Variants in MYH9 observed in about 807,000 individuals in gnomAD.
MYH9 encodes the protein myosin heavy chain 9, also known as myosin-9.
Under a neutral mutation model 241.9 loss-of-function variants are expected in MYH9, and 29 were observed. The observed-to-expected ratio is 0.12, with a 90% CI of 0.09 to 0.16. The LOEUF (loss-of-function observed/expected upper bound fraction) is 0.16. MYH9 is among the 10% of genes least tolerant of loss of function. MYH9 has a pLI of 1.00. For missense variants in MYH9, 1,803 were observed against 2,595.5 expected (o/e 0.69, Z 6.63); for synonymous variants, 1,047 against 1,062.6 (o/e 0.99, Z 0.29).
chr22:36,377,172 AAAG>A lies in MYH9; in HGVS notation c.-20+10632_-20+10634del, dbSNP rs1206974391. 4.6e-5 allele frequency among the ~76,000 whole-genome samples: 7 copies of A among 152,106 alleles called. No homozygotes were observed. The East Asian group carries it at 9.6e-4, about 21-fold the overall frequency. ...GAGTTACAGCATAGGGACAGAAATGAAAGAAGACCCCGCCTTTGACCTCCTCAC... is the reference window on the plus strand; with the variant it reads ...GAGTTACAGCATAGGGACAGAAATGAAAGACCCCGCCTTTGACCTCCTCAC... On this transcript the variant is annotated intron_variant, in intron 1 of 40. Coordinates refer to ENST00000216181, the MANE Select transcript of MYH9 (RefSeq NM_002473.6).
chr22:36,340,236 G>C (rs1000001931), intron 3 of MYH9, among the ~76,000 whole-genome samples: 5 of 151,312 alleles, frequency 3.3e-5, no homozygotes, highest in African/African-American at 9.7e-5. Flanking sequence ...TACTTTTGCA[G>C]CAACCTAATA....
At chr22:36,324,989 T>A in intron 5 of MYH9, 1 of 709,708 alleles carries the variant, frequency 1.4e-6, no homozygotes. Context: ...AACTCCAATG[T>A]CACCCTCCCA....
Position 36,289,237 on chromosome 22 carries a change from C to A in MYH9, c.4405G>T (p.Ala1469Ser), listed in dbSNP as rs1337772877. ...KYAEERDRAEAEAREKETKAL... is the reference protein window; with the variant it reads ...KYAEERDRAESEAREKETKAL... ...TTGGTCTCCTTCTCTCGGGCCTCCG[C>A]CTCAGCCCGGTCGCGCTCCTCTGCA... Residue 1469 changes from alanine (A) to serine (S), a missense_variant, in exon 32 of 41, where the codon GCG becomes TCG. By Grantham distance (99) the Ala-to-Ser change is moderately conservative. Around this residue, in one of 11 missense-constraint regions of MYH9, gnomAD observed 876 missense variants for 1,077.8 expected, o/e 0.81. Coordinates refer to ENST00000216181, the MANE Select transcript of MYH9 (RefSeq NM_002473.6). 2.5e-6 allele frequency: 4 copies of A among 1,613,054 alleles called. No homozygotes were observed. The highest frequency in any genetic ancestry group is 3.4e-6 in the Non-Finnish European group (4 of 1,180,022).
At chr22:36,335,147 G>A (rs904500460) in intron 3 of MYH9, among the ~76,000 whole-genome samples, 1 of 152,170 alleles carries the variant, frequency 6.6e-6, no homozygotes, top group Non-Finnish European at 1.5e-5. Flanking sequence ...CTCTCATCTT[G>A]AAGCTGATTT....
intron 1 of MYH9, among the ~76,000 whole-genome samples, chr22:36,349,470 C>T (rs2017733526): frequency 6.6e-6 from 1 of 152,208 alleles, no homozygotes; most frequent in South Asian, 2.1e-4. Context: ...TGGCTCATGC[C>T]TGTAATCCCA....
intron 5 of MYH9, among the ~76,000 whole-genome samples, chr22:36,325,577 C>T (rs935355682): frequency 6.6e-5 from 10 of 152,220 alleles, no homozygotes; most frequent in Admixed American, 6.5e-5. Flanking sequence ...GTGAGAACTC[C>T]CCGGCACTGC....
In MYH9 at chr22:36,300,029, AAGC is replaced by A; in HGVS notation, c.2976+95_2976+97del. 6.6e-7 allele frequency: 1 copy of A among 1,524,018 alleles called. No individual in the cohort carries two copies. Among genetic ancestry groups the A allele is most frequent in the Non-Finnish European group, 9.0e-7 (1 of 1,112,144 alleles). 94.4% of individuals were successfully genotyped at this position (1,524,018 alleles called of 1,614,324 possible). A position where few individuals can be genotyped will look rare whatever the true frequency, so the allele number is the denominator to read the frequency against. Reference sequence around the variant, plus strand: ...TCATGCTGCAGGCAGAAGAGACAGGAAGCAGCAGCAGCGGGGAGCCAGGCCCTG... The same window carrying A: ...TCATGCTGCAGGCAGAAGAGACAGGAAGCAGCAGCGGGGAGCCAGGCCCTG... On this transcript the variant is annotated intron_variant, in intron 23 of 40. Transcript: ENST00000216181. The surrounding 1 kb of genome is among the most constrained non-coding windows in gnomAD (Gnocchi z 5.0).
chr22:36,324,896 C>G (rs2017311273), intron 5 of MYH9: 1 of 594,040 alleles, frequency 1.7e-6, no homozygotes, highest in African/African-American at 1.9e-5. Context: ...GCTGCCTTCC[C>G]CTCTACAACA....
At chr22:36,319,403 C>T in intron 10 of MYH9, 137 bp downstream of exon 10, 1 of 837,110 alleles carries the variant, frequency 1.2e-6, no homozygotes, top group Non-Finnish European at 2.0e-6. Flanking sequence ...GTGTGTTTTA[C>T]ATCTGTATAG....
intron 3 of MYH9, among the ~76,000 whole-genome samples, chr22:36,337,891 A>C (rs1193876372): frequency 6.6e-6 from 1 of 152,210 alleles, no homozygotes; most frequent in African/African-American, 2.4e-5. Flanking sequence ...GCTTGTCATA[A>C]CATGGACAAC....
intron 1 of MYH9, among the ~76,000 whole-genome samples, chr22:36,359,160 G>A (rs914788409): frequency 1.3e-5 from 2 of 152,192 alleles, no homozygotes; most frequent in African/African-American, 4.8e-5. Context: ...CTCTGTACTT[G>A]TTCCACTGTA....
At chr22:36,369,799 T>C (rs1044750701) in intron 1 of MYH9, among the ~76,000 whole-genome samples, 2 of 152,208 alleles carry the variant, frequency 1.3e-5, no homozygotes, top group African/African-American at 2.4e-5. Context: ...GGAAAATAAC[T>C]GGCCTGAAAA....
chr22:36,368,484 AG>A (rs2018043418), intron 1 of MYH9, among the ~76,000 whole-genome samples: 1 of 152,174 alleles, frequency 6.6e-6, no homozygotes, highest in Non-Finnish European at 1.5e-5. Flanking sequence ...GCATCTGGCA[AG>A]GCGTCACATA....
intron 1 of MYH9, among the ~76,000 whole-genome samples, chr22:36,356,580 C>CAA (rs34880972): frequency 0.016 from 399 of 24,656 alleles, 17 homozygotes; most frequent in African/African-American, 0.043. Flanking sequence ...GACTCCATCT[C>CAA]AAAAAAAAAA....
intron 1 of MYH9, among the ~76,000 whole-genome samples, chr22:36,357,520 G>A (rs567545531): frequency 1.3e-5 from 2 of 152,260 alleles, no homozygotes; most frequent in Admixed American, 1.3e-4. Flanking sequence ...GTCCCCAGTT[G>A]TGACAACCAA....
At chr22:36,303,209 C>CT (rs2016911682) in intron 19 of MYH9, among the ~76,000 whole-genome samples, 1 of 152,082 alleles carries the variant, frequency 6.6e-6, no homozygotes, top group Non-Finnish European at 1.5e-5. Flanking sequence ...GGCGCTCCTG[C>CT]TAGGACCCCA....
chr22:36,330,190 C>G lies in MYH9; in HGVS notation c.491-2702G>C, dbSNP rs543915229. 1.3e-5 allele frequency among the ~76,000 whole-genome samples: 2 copies of G among 152,374 alleles called. No individual in the cohort carries two copies. The highest frequency in any genetic ancestry group is 2.9e-5 in the Non-Finnish European group (2 of 68,048). On this transcript the variant is annotated intron_variant, in intron 3 of 40. Coordinates refer to ENST00000216181, the MANE Select transcript of MYH9 (RefSeq NM_002473.6). This position sits in a 1 kb window ranked among gnomAD's most constrained non-coding sequence, Gnocchi z 4.5. ...TCCAATTCCTGAAGCCAATTTACCACTGTCAACACAGCCTAACCATACCTT... is the reference window on the plus strand; with the variant it reads ...TCCAATTCCTGAAGCCAATTTACCAGTGTCAACACAGCCTAACCATACCTT...
intron 40 of MYH9, 120 bp downstream of exon 40, chr22:36,283,973 T>C (rs1392278156): frequency 8.2e-6 from 10 of 1,219,808 alleles, no homozygotes; most frequent in East Asian, 2.3e-5. Context: ...GGGGCAGGGA[T>C]TGCTTTGTGC....
chr22:36,324,949 C>T (rs1055344186), intron 5 of MYH9: 13 of 664,610 alleles, frequency 2.0e-5, no homozygotes, highest in African/African-American at 1.8e-4. Flanking sequence ...CACTGCTCTC[C>T]GTGTCCTGTC....
Sources: allele counts gnomAD v4.1 joint callset (sites outside exome capture counted in the v4.1 genomes callset), GRCh38; gene constraint gnomAD v4.1.1; regional missense constraint gnomAD v4.1.1; non-coding constraint Gnocchi (gnomAD v3.1); transcripts MANE v1.5; gene names NCBI Gene and HGNC (gene_info 2026-07-23, HGNC 2026-07-21).